Variants in MAF observed in about 807,000 individuals in gnomAD.
MAF encodes the protein transcription factor Maf.
A neutral mutation model predicts 22.0 loss-of-function variants in MAF; 10 were observed. That is an observed-to-expected ratio of 0.45 (90% CI 0.28 to 0.77). The LOEUF (loss-of-function observed/expected upper bound fraction) is 0.77, where lower values mean the gene tolerates loss of function less well. Among genes scored for constraint, MAF ranks in the 30% least tolerant of loss-of-function variants. The pLI, the probability that MAF is intolerant of heterozygous loss-of-function variation, is 0.12. For missense variants in MAF, 544 were observed against 548.4 expected, an observed-to-expected ratio of 0.99 and a Z score of 0.08; for synonymous variants, 337 against 255.8, an observed-to-expected ratio of 1.32 and a Z score of -3.03.
At chr16:79,380,387 T>C in the MAF span, among the ~76,000 whole-genome samples, 1 of 152,244 alleles carries the variant, frequency 6.6e-6, no homozygotes, top group East Asian at 1.9e-4. Context: ...TAGCATGTGC[T>C]GAATGCTTCT....
chr16:79,433,226 A>G, the MAF span, among the ~76,000 whole-genome samples: 1 of 151,106 alleles, frequency 6.6e-6, no homozygotes, highest in Non-Finnish European at 1.5e-5. Flanking sequence ...CAAAGGATTC[A>G]AAGTAGCTTA....
the MAF span, among the ~76,000 whole-genome samples, chr16:79,529,315 G>A: frequency 6.6e-6 from 1 of 152,114 alleles, no homozygotes; most frequent in African/African-American, 2.4e-5. Context: ...CCCCTCTCTA[G>A]CTGGAAGTTG....
chr16:79,429,787 G>C, the MAF span, among the ~76,000 whole-genome samples: 1 of 152,104 alleles, frequency 6.6e-6, no homozygotes, highest in African/African-American at 2.4e-5. Flanking sequence ...CAGTTTATTG[G>C]ACCTGTGCTT....
chr16:79,504,524 T>G, the MAF span, among the ~76,000 whole-genome samples: 7 of 152,246 alleles, frequency 4.6e-5, no homozygotes, highest in Non-Finnish European at 8.8e-5. Context: ...TGTAACATAA[T>G]GTGTGGCATA....
chr16:79,559,984 G>C, the MAF span, among the ~76,000 whole-genome samples: 1 of 152,194 alleles, frequency 6.6e-6, no homozygotes, highest in African/African-American at 2.4e-5. Context: ...GTTCGCTGCA[G>C]CTGTGAACCT....
At chr16:79,574,845 G>A in the MAF span, among the ~76,000 whole-genome samples, 4 of 152,228 alleles carry the variant, frequency 2.6e-5, no homozygotes, top group Non-Finnish European at 1.5e-5. Flanking sequence ...CAAAGCAACT[G>A]TTCATCCCTT....
chr16:79,409,757 G>T, the MAF span, among the ~76,000 whole-genome samples: 1 of 152,140 alleles, frequency 6.6e-6, no homozygotes. Context: ...AACTTAGAAG[G>T]CCATCCCTAC....
the MAF span, among the ~76,000 whole-genome samples, chr16:79,207,067 C>T: frequency 1.3e-5 from 2 of 152,252 alleles, no homozygotes; most frequent in East Asian, 1.9e-4. Flanking sequence ...ATAGCCTCTC[C>T]TGGGGGAGTG....
chr16:79,482,242 A>G, the MAF span, among the ~76,000 whole-genome samples: 3 of 152,176 alleles, frequency 2.0e-5, no homozygotes, highest in South Asian at 4.1e-4. Flanking sequence ...ATTTCCCTCA[A>G]AACATTCTTG....
downstream of MAF, among the ~76,000 whole-genome samples, chr16:79,593,193 C>T (rs1321082409): frequency 6.6e-6 from 1 of 151,980 alleles, no homozygotes; most frequent in African/African-American, 2.4e-5. Context: ...TTTCGTAAAG[C>T]CAAGAGTATG....
the MAF span, among the ~76,000 whole-genome samples, chr16:79,421,377 T>C: frequency 6.6e-6 from 1 of 152,130 alleles, no homozygotes; most frequent in Non-Finnish European, 1.5e-5. Context: ...TGCCCATTCA[T>C]CCCTCCCTCC....
the MAF span, among the ~76,000 whole-genome samples, chr16:79,410,035 C>A: frequency 2.0e-5 from 3 of 152,126 alleles, no homozygotes; most frequent in Admixed American, 1.3e-4. Flanking sequence ...AGATTGAAAA[C>A]CTAACTTAGG....
the MAF span, among the ~76,000 whole-genome samples, chr16:79,400,031 G>A: frequency 6.6e-6 from 1 of 152,196 alleles, no homozygotes; most frequent in African/African-American, 2.4e-5. Flanking sequence ...GGCAGTACCC[G>A]ACACAGGTCT....
At chr16:79,405,681 G>C in the MAF span, among the ~76,000 whole-genome samples, 1 of 152,190 alleles carries the variant, frequency 6.6e-6, no homozygotes, top group African/African-American at 2.4e-5. Context: ...ACAGATCTAA[G>C]TTGTGACCTT....
chr16:79,595,863 TATGGAAGTAAGG>T (rs1913489434), intron 1 of MAF: 3 of 1,058,568 alleles, frequency 2.8e-6, no homozygotes, highest in South Asian at 9.1e-5. Flanking sequence ...TACTTGGAAA[TATGGAAGTAAGG>T]AGTGGATTTT....
the MAF span, among the ~76,000 whole-genome samples, chr16:79,540,788 G>T: frequency 1.3e-5 from 2 of 152,142 alleles, no homozygotes; most frequent in South Asian, 4.1e-4. Context: ...TCTGACATGT[G>T]GGGAAAACAG....
chr16:79,260,780 C>T, the MAF span, among the ~76,000 whole-genome samples: 10 of 152,022 alleles, frequency 6.6e-5, no homozygotes, highest in African/African-American at 2.2e-4. Context: ...GATATAGGAG[C>T]TGGCATCCAA....
chr16:79,318,449 A>C, the MAF span, among the ~76,000 whole-genome samples: 1 of 152,178 alleles, frequency 6.6e-6, no homozygotes, highest in Non-Finnish European at 1.5e-5. Flanking sequence ...CCATGGGAAA[A>C]TGCAAACATG....
the MAF span, among the ~76,000 whole-genome samples, chr16:79,214,805 G>A: frequency 5.1e-4 from 66 of 129,558 alleles, 1 homozygote; most frequent in Middle Eastern, 5.2e-3. Context: ...CTCCCTCCCC[G>A]GTTCAAGCGA....
Sources: allele counts gnomAD v4.1 joint callset (sites outside exome capture counted in the v4.1 genomes callset), GRCh38; gene constraint gnomAD v4.1.1; transcripts MANE v1.5; gene names NCBI Gene and HGNC (gene_info 2026-07-23, HGNC 2026-07-21).